Variants in RNF157 observed in about 807,000 individuals in gnomAD.
RNF157 encodes ring finger protein 157, also known as E3 ubiquitin ligase RNF157.
Under a neutral mutation model 88.3 loss-of-function variants are expected in RNF157, and 55 were observed. The ratio of observed to expected loss-of-function variants is 0.62; its 90% CI spans 0.50 to 0.78. RNF157 has a LOEUF of 0.78. RNF157 is among the 30% of genes least tolerant of loss of function. The pLI, the probability that RNF157 is intolerant of heterozygous loss-of-function variation, is 0.00. For synonymous variants in RNF157, 334 were observed against 341.2 expected, an observed-to-expected ratio of 0.98 and a Z score of 0.23; for missense variants, 788 against 860.8, an observed-to-expected ratio of 0.92 and a Z score of 1.06.
At chr17:76,167,858 T>A (rs1404844365) in intron 3 of RNF157, 61 bp from the exon 4 acceptor site, 2 of 1,505,730 alleles carry the variant, frequency 1.3e-6, no homozygotes, top group Admixed American at 2.0e-5. Context: ...AATTTACCTT[T>A]AAAAAAATTA....
At position 76,161,428 on chromosome 17, in the gene RNF157, C is replaced by T; in HGVS notation, c.1065+107G>A. On this transcript the variant is annotated intron_variant, in intron 11 of 18. Coordinates refer to ENST00000269391, the MANE Select transcript of RNF157 (RefSeq NM_052916.3). The surrounding 1 kb of genome is among the most constrained non-coding windows in gnomAD (Gnocchi z 4.6). Reference sequence around the variant, plus strand: ...CCGGCTTGCTAAATACTGCAGCATGCCCTGGTCTAATTCCTTGCTGCAATG... The same window carrying T: ...CCGGCTTGCTAAATACTGCAGCATGTCCTGGTCTAATTCCTTGCTGCAATG... 2.3e-6 allele frequency: 2 copies of T among 855,076 alleles called. No homozygotes were observed. Among genetic ancestry groups the T allele is most frequent in the Non-Finnish European group, 3.9e-6 (2 of 507,438 alleles). 53.0% of individuals were successfully genotyped at this position (855,076 alleles called of 1,614,324 possible). A position where few individuals can be genotyped will look rare whatever the true frequency, so the allele number is the denominator to read the frequency against.
intron 2 of RNF157, among the ~76,000 whole-genome samples, chr17:76,193,927 G>T (rs2069429216): frequency 6.6e-6 from 1 of 152,122 alleles, no homozygotes; most frequent in Non-Finnish European, 1.5e-5. Flanking sequence ...AGACAGCCCT[G>T]GGGGACACGG....
At chr17:76,232,241 A>T (rs2070205047) in intron 1 of RNF157, among the ~76,000 whole-genome samples, 1 of 152,156 alleles carries the variant, frequency 6.6e-6, no homozygotes, top group African/African-American at 2.4e-5. Context: ...TTAAAAAATT[A>T]GATGGGAGTG....
rs921793624 is a variant in RNF157 at position 76,159,783 on chromosome 17, AT to A, written c.1066-211del. On this transcript the variant is annotated intron_variant, in intron 11 of 18. Coordinates refer to ENST00000269391, the MANE Select transcript of RNF157 (RefSeq NM_052916.3). ...GGTAAGCTTTTTCTTAATAATCTCT[AT>A]TTTTTTTCTGATTATAATGGAAATT... Among the ~76,000 whole-genome samples the A allele has an allele frequency of 1.0e-3, 157 of 151,774 alleles. 1 individual carries two copies. The highest frequency in any genetic ancestry group is 6.8e-3 in the Middle Eastern group (2 of 294).
intron 1 of RNF157, among the ~76,000 whole-genome samples, chr17:76,214,594 G>A (rs1447783766): frequency 6.6e-6 from 1 of 152,088 alleles, no homozygotes; most frequent in Non-Finnish European, 1.5e-5. Flanking sequence ...CACAGACTAT[G>A]GTGTAAAATA....
At position 76,159,384 on chromosome 17, in the gene RNF157, G is replaced by C; in HGVS notation, c.1255C>G (p.Leu419Val). Residue 419 changes from leucine to valine, a missense_variant, in exon 12 of 19, where the codon CTG becomes GTG. Physicochemically the swap from Leu to Val is conservative, Grantham distance 32. Transcript: ENST00000269391. ...PVRTISPLDR[L>V]SDSSSQGLKL... ...AGTCCCTGACTGCTGCTGTCAGACAGGCGGTCAAGAGGCGAGATCGTCCTG... is the reference window on the plus strand; with the variant it reads ...AGTCCCTGACTGCTGCTGTCAGACACGCGGTCAAGAGGCGAGATCGTCCTG... The C allele has an allele frequency of 6.2e-7, 1 of 1,613,474 alleles. No individual in the cohort carries two copies. Among genetic ancestry groups the C allele is most frequent in the Non-Finnish European group, 8.5e-7 (1 of 1,179,830 alleles).
intron 1 of RNF157, among the ~76,000 whole-genome samples, chr17:76,228,898 T>C (rs1478986626): frequency 6.6e-6 from 1 of 151,840 alleles, no homozygotes; most frequent in Non-Finnish European, 1.5e-5. Flanking sequence ...GACTCCAGCC[T>C]GGGCGACAGA....
chr17:76,154,150 G>GATCTTTCCT, intron 17 of RNF157, 133 bp downstream of exon 17: 1 of 716,552 alleles, frequency 1.4e-6, no homozygotes, highest in Non-Finnish European at 2.5e-6. Flanking sequence ...TTAAGAAGAC[G>GATCTTTCCT]ATCTTTCCTC....
At chr17:76,212,667 G>C (rs374973150) in intron 1 of RNF157, among the ~76,000 whole-genome samples, 185 bp from the exon 2 acceptor site, 1 of 152,114 alleles carries the variant, frequency 6.6e-6, no homozygotes. Context: ...TTCGAGACCA[G>C]CCTGGCCAAC....
At chr17:76,216,110 T>C (rs2069883380) in intron 1 of RNF157, among the ~76,000 whole-genome samples, 1 of 152,178 alleles carries the variant, frequency 6.6e-6, no homozygotes. Flanking sequence ...AAGTTAAAGA[T>C]GTTACACAGA....
At chr17:76,223,551 A>G (rs1359988185) in intron 1 of RNF157, among the ~76,000 whole-genome samples, 1 of 152,212 alleles carries the variant, frequency 6.6e-6, no homozygotes, top group Non-Finnish European at 1.5e-5. Flanking sequence ...AGGAAAAAAG[A>G]AAGAGGGATA....
chr17:76,153,512 G>A (rs1355732792), intron 17 of RNF157: 3 of 152,316 alleles, frequency 2.0e-5, no homozygotes, highest in Non-Finnish European at 4.4e-5. Flanking sequence ...GCCCCTGAGG[G>A]AGGGGCCTCA....
At chr17:76,225,157 G>T (rs1314181825) in intron 1 of RNF157, among the ~76,000 whole-genome samples, 1 of 151,978 alleles carries the variant, frequency 6.6e-6, no homozygotes, top group East Asian at 1.9e-4. Flanking sequence ...AGGCAACAGA[G>T]TGAGCCTCCA....
At chr17:76,166,197 A>G (rs2068921624) in intron 6 of RNF157, among the ~76,000 whole-genome samples, 1 of 151,926 alleles carries the variant, frequency 6.6e-6, no homozygotes, top group Non-Finnish European at 1.5e-5. Context: ...CTGGTCTCGA[A>G]CTCCTGACCT....
chr17:76,167,517 A>G (rs767362051), intron 4 of RNF157, 134 bp downstream of exon 4: 2 of 1,305,126 alleles, frequency 1.5e-6, no homozygotes, highest in Non-Finnish European at 2.1e-6. Flanking sequence ...TGGATAAGAC[A>G]TGGACTCTCC....
intron 11 of RNF157, 95 bp from the exon 12 acceptor site, chr17:76,159,668 TA>T: frequency 1.1e-6 from 1 of 903,958 alleles, no homozygotes; most frequent in Non-Finnish European, 1.8e-6. Context: ...AAATGTTTTA[TA>T]TCTGTTCTTG....
intron 2 of RNF157, among the ~76,000 whole-genome samples, chr17:76,178,212 G>A (rs2069135333): frequency 6.6e-6 from 1 of 152,248 alleles, no homozygotes; most frequent in Admixed American, 6.5e-5. Flanking sequence ...CCAGACCTGG[G>A]AGCTGCCCAA....
chr17:76,169,500 GGGC>G (rs2068979914), intron 3 of RNF157, among the ~76,000 whole-genome samples: 1 of 151,692 alleles, frequency 6.6e-6, no homozygotes. Flanking sequence ...TCAAACTCCT[GGGC>G]TTAAGTGATC....
In RNF157 at chr17:76,195,246, G is replaced by C. The variant is rs2069459822; in HGVS notation, c.207+17118C>G. Among the ~76,000 whole-genome samples, 2 of 152,264 alleles carry C rather than the reference G, an allele frequency of 1.3e-5. No homozygotes were observed. Among genetic ancestry groups the C allele is most frequent in the African/African-American group, 4.8e-5 (2 of 41,548 alleles). ...GAGCAAGGCTGGAAACAGGAGACTG[G>C]GGTTGGTGTGAAAAGCATTTAGACC... On this transcript the variant is annotated intron_variant, in intron 2 of 18. Coordinates refer to ENST00000269391, the MANE Select transcript of RNF157 (RefSeq NM_052916.3). The surrounding 1 kb of genome is among the most constrained non-coding windows in gnomAD (Gnocchi z 4.4).
Sources: gnomAD v4.1 joint callset for allele counts (sites outside exome capture counted in the v4.1 genomes callset) on GRCh38, gnomAD v4.1.1 for gene constraint, Gnocchi (gnomAD v3.1) non-coding constraint, MANE v1.5 for transcripts, NCBI Gene and HGNC (gene_info 2026-07-23, HGNC 2026-07-21) for gene names.